The following DNER variants were observed in gnomAD, a reference collection of about 807,000 sequenced individuals.
DNER encodes the protein delta and Notch-like epidermal growth factor-related receptor.
In DNER, 33 loss-of-function variants were observed where a neutral mutation model predicts 78.2. The ratio of observed to expected loss-of-function variants is 0.42; its 90% CI spans 0.32 to 0.56. The LOEUF is 0.56. Ranked by LOEUF, DNER falls within the 20% of genes least tolerant of loss-of-function variation. The pLI is 0.11. For missense variants in DNER, 918 were observed against 975.3 expected (o/e 0.94, Z 0.78); for synonymous variants, 417 against 384.8 (o/e 1.08, Z -0.98).
intron 2 of DNER, among the ~76,000 whole-genome samples, chr2:229,590,441 A>G (rs903289814): frequency 9.9e-5 from 15 of 152,182 alleles, no homozygotes; most frequent in Non-Finnish European, 1.9e-4. Context: ...GGTACCAAAA[A>G]TAGAACCTAA....
At chr2:229,516,785 T>TAA (rs796603043) in intron 5 of DNER, among the ~76,000 whole-genome samples, 4 of 83,886 alleles carry the variant, frequency 4.8e-5, no homozygotes, top group Admixed American at 1.4e-4. Context: ...ACGCTGTCTC[T>TAA]AAAAAAAAAA....
Position 229,547,036 on chromosome 2 carries a change from C to A in DNER, c.904G>T (p.Val302Leu). Residue 302 changes from valine (V) to leucine (L), a missense_variant, in exon 5 of 13, where the codon GTG (valine) becomes TTG (leucine). Coordinates refer to ENST00000341772, the MANE Select transcript of DNER (RefSeq NM_139072.4). The stretch of plus-strand genomic sequence containing the variant: ...CCCGGCACACAGGTGCTGACCTTCA[C>A]CACCAGAGTTAAGCGCAAAGCCACA... ...SIVALRLTLV[V>L]KVSTCVPGES... 6.2e-7 allele frequency: 1 copy of A among 1,614,170 alleles called. No homozygotes were observed. Among genetic ancestry groups the A allele is most frequent in the Non-Finnish European group, 8.5e-7 (1 of 1,180,010 alleles).
chr2:229,586,766 C>T (rs7601543), intron 3 of DNER: 964,740 of 985,718 alleles, frequency 0.98, 474,725 homozygotes, highest in East Asian at 1. Flanking sequence ...CCCAGAGACT[C>T]CTGACCACTT....
At chr2:229,539,609 G>GACA (rs1183105323) in intron 5 of DNER, among the ~76,000 whole-genome samples, 1 of 152,142 alleles carries the variant, frequency 6.6e-6, no homozygotes, top group Non-Finnish European at 1.5e-5. Flanking sequence ...TCAAAACTCA[G>GACA]ACAACTGGAT....
chr2:229,513,503 G>T (rs1359196654), intron 5 of DNER, among the ~76,000 whole-genome samples: 1 of 152,212 alleles, frequency 6.6e-6, no homozygotes, highest in Non-Finnish European at 1.5e-5. Flanking sequence ...TATCGCTTAT[G>T]ATATTAACAT....
At chr2:229,667,364 C>T (rs13387114) in intron 1 of DNER, among the ~76,000 whole-genome samples, 31,443 of 152,100 alleles carry the variant, frequency 0.21, 5,632 homozygotes, top group African/African-American at 0.49. Context: ...AAGTGGCACA[C>T]AGAAAAGTGA....
At chr2:229,687,400 A>C (rs773957577) in intron 1 of DNER, among the ~76,000 whole-genome samples, 10 of 151,592 alleles carry the variant, frequency 6.6e-5, no homozygotes, top group South Asian at 2.1e-4. Flanking sequence ...AGTAGCTGGG[A>C]CTACAGGCGT....
chr2:229,639,321 C>T (rs1327485102), intron 1 of DNER, among the ~76,000 whole-genome samples: 1 of 151,230 alleles, frequency 6.6e-6, no homozygotes, highest in Non-Finnish European at 1.5e-5. Context: ...GTGGTGAGAT[C>T]TCGGCTCACT....
rs545519814 is a variant in DNER at position 229,590,934 on chromosome 2, A to G, written c.585+646T>C. On this transcript the variant is annotated intron_variant, in intron 2 of 12. Transcript: ENST00000341772. ...TTGGTGATAAGTGAGTTCAGGTGAGATTGGATTGTTTTCTGGGACCTCTCC... is the reference window on the plus strand; with the variant it reads ...TTGGTGATAAGTGAGTTCAGGTGAGGTTGGATTGTTTTCTGGGACCTCTCC... Among the ~76,000 whole-genome samples, 3 of 152,244 alleles carry G rather than the reference A, an allele frequency of 2.0e-5. No individual in the cohort carries two copies. In the South Asian group the frequency reaches 6.2e-4, roughly 32 times the overall value.
Position 229,641,683 on chromosome 2 carries a change from CAGGT to C in DNER, c.277-49799_277-49796del, listed in dbSNP as rs985112349. ...AACCTTCATACTGGGAAAAATGAAG[CAGGT>C]AGATATATGCTAATGAATAGACTTC... On this transcript the variant is annotated intron_variant, in intron 1 of 12. Transcript: ENST00000341772. Among the ~76,000 whole-genome samples, 146 of 151,892 alleles carry C rather than the reference CAGGT, an allele frequency of 9.6e-4. 1 individual carries two copies. Among genetic ancestry groups the C allele is most frequent in the African/African-American group, 3.0e-3 (126 of 41,406 alleles).
intron 7 of DNER, among the ~76,000 whole-genome samples, chr2:229,454,138 G>T (rs1259179747): frequency 1.3e-5 from 2 of 152,124 alleles, no homozygotes; most frequent in Non-Finnish European, 2.9e-5. Context: ...CATCAGTGTG[G>T]CCAGTGACCA....
intron 1 of DNER, among the ~76,000 whole-genome samples, chr2:229,687,132 G>A (rs921599618): frequency 6.6e-6 from 1 of 152,078 alleles, no homozygotes; most frequent in Non-Finnish European, 1.5e-5. Context: ...CAGTGGCTAA[G>A]CTCTGTCATA....
At chr2:229,493,083 CAGG>C (rs1695436300) in intron 6 of DNER, among the ~76,000 whole-genome samples, 1 of 152,210 alleles carries the variant, frequency 6.6e-6, no homozygotes, top group Non-Finnish European at 1.5e-5. Flanking sequence ...TTGTCTCCAG[CAGG>C]AGGTGACCCA....
chr2:229,577,594 C>T (rs1021933377), intron 4 of DNER, among the ~76,000 whole-genome samples: 5 of 151,764 alleles, frequency 3.3e-5, no homozygotes, highest in Non-Finnish European at 5.9e-5. Flanking sequence ...GAGATCGTGC[C>T]ATTGCACTCC....
At chr2:229,537,056 T>G (rs1381847483) in intron 5 of DNER, among the ~76,000 whole-genome samples, 1 of 152,096 alleles carries the variant, frequency 6.6e-6, no homozygotes, top group Non-Finnish European at 1.5e-5. Flanking sequence ...AGTGCGTTGG[T>G]GTAAGGTCCG....
chr2:229,435,281 A>G (rs1185016293), intron 8 of DNER, among the ~76,000 whole-genome samples: 1 of 152,140 alleles, frequency 6.6e-6, no homozygotes, highest in African/African-American at 2.4e-5. Context: ...ACTGCCAGCA[A>G]TATAAGAGGG....
At position 229,396,523 on chromosome 2, in the gene DNER, C is replaced by T. The variant is rs377129771; in HGVS notation, c.1724-8127G>A. Among the ~76,000 whole-genome samples, 31 of 152,176 alleles carry T rather than the reference C, an allele frequency of 2.0e-4. 1 individual carries two copies. The highest frequency in any genetic ancestry group is 6.5e-4 in the African/African-American group (27 of 41,524). The stretch of plus-strand genomic sequence containing the variant: ...GTGGGGAATGAGGAATTTTTGATTC[C>T]ACAGTGGTCACATGGTCACCACCTA... On this transcript the variant is annotated intron_variant, in intron 10 of 12. Coordinates refer to ENST00000341772, the MANE Select transcript of DNER (RefSeq NM_139072.4).
At position 229,435,288 on chromosome 2, in the gene DNER, A is replaced by AG. The variant is rs778609199; in HGVS notation, c.1486+12027dup. On this transcript the variant is annotated intron_variant, in intron 8 of 12. Transcript: ENST00000341772. Reference sequence around the variant, plus strand: ...TCCAGCTAACTGCCAGCAATATAAGAGGGGTCATCCAGGACCCGGCAGTCC... The same window carrying AG: ...TCCAGCTAACTGCCAGCAATATAAGAGGGGGTCATCCAGGACCCGGCAGTCC... Among the ~76,000 whole-genome samples the AG allele has an allele frequency of 4.6e-5, 7 of 152,314 alleles. 1 individual carries two copies. The highest frequency in any genetic ancestry group is 1.0e-4 in the Non-Finnish European group (7 of 68,026).
intron 10 of DNER, among the ~76,000 whole-genome samples, chr2:229,402,678 T>C (rs997207094): frequency 2.0e-5 from 3 of 152,234 alleles, no homozygotes; most frequent in Non-Finnish European, 4.4e-5. Flanking sequence ...CCTGTTGAAG[T>C]ACGGTTACCT....
Sources: gnomAD v4.1 joint callset for allele counts (sites outside exome capture counted in the v4.1 genomes callset) on GRCh38, gnomAD v4.1.1 for gene constraint, MANE v1.5 for transcripts, NCBI Gene and HGNC (gene_info 2026-07-23, HGNC 2026-07-21) for gene names.